Variants in COPS8 observed in about 807,000 individuals in gnomAD.
COPS8 encodes the protein COP9 signalosome complex subunit 8.
Under a neutral mutation model 31.5 loss-of-function variants are expected in COPS8, and 11 were observed. The observed-to-expected ratio is 0.35, with a 90% CI of 0.22 to 0.58. The LOEUF (loss-of-function observed/expected upper bound fraction) is 0.58, where lower values mean the gene tolerates loss of function less well. Among genes scored for constraint, COPS8 ranks in the 20% least tolerant of loss-of-function variants. COPS8 has a pLI of 0.83. For missense variants in COPS8, 215 were observed against 255.1 expected (o/e 0.84, Z 1.07); for synonymous variants, 81 against 89.3 (o/e 0.91, Z 0.52).
chr2:237,089,325 G>A (rs1696669032), intron 3 of COPS8, among the ~76,000 whole-genome samples: 1 of 151,726 alleles, frequency 6.6e-6, no homozygotes, highest in Non-Finnish European at 1.5e-5. Context: ...GTTCTGTTAA[G>A]TAAGATTGGA....
At position 237,099,625 on chromosome 2, in the gene COPS8, A is replaced by G. The variant is rs1559302094; in HGVS notation, c.*1883A>G. 4 of 152,284 alleles carry G rather than the reference A, an allele frequency of 2.6e-5. No individual in the cohort carries two copies. The highest frequency in any genetic ancestry group is 2.6e-4 in the Admixed American group (4 of 15,284). 9.4% of individuals were successfully genotyped at this position (152,284 alleles called of 1,614,324 possible). ...TTATATGCTTTATTTTTCTTTGTAA[A>G]CAGTAAATATTTCCCACTCCTGTCT... On this transcript the variant is annotated 3_prime_UTR_variant, in exon 8 of 8. Transcript: ENST00000354371.
intron 3 of COPS8, 57 bp from the exon 4 acceptor site, chr2:237,089,805 C>A: frequency 2.0e-6 from 3 of 1,525,798 alleles, no homozygotes; most frequent in East Asian, 2.3e-5. Context: ...TTTTAAGATA[C>A]AATCATTGGT....
intron 4 of COPS8, 78 bp downstream of exon 4, chr2:237,090,072 A>C (rs1039509288): frequency 6.9e-7 from 1 of 1,444,936 alleles, no homozygotes; most frequent in Admixed American, 1.9e-5. Flanking sequence ...GTAATAAATC[A>C]GTGGTGTGTG....
intron 4 of COPS8, among the ~76,000 whole-genome samples, chr2:237,091,194 A>G (rs1428863695): frequency 6.6e-6 from 1 of 152,094 alleles, no homozygotes; most frequent in Admixed American, 6.5e-5. Flanking sequence ...ACTGAATTCC[A>G]TGAGATTGAG....
rs1457111263 is a variant in COPS8 at position 237,086,151 on chromosome 2, C to T, written c.78+109C>T. On this transcript the variant is annotated intron_variant, in intron 1 of 7. Transcript: ENST00000354371. Reference sequence around the variant, plus strand: ...GAGGCTAGCGGGCTTTGGGAGCTCACGGGGCGGGCGTGGGAGGTGGACGTG... The same window carrying T: ...GAGGCTAGCGGGCTTTGGGAGCTCATGGGGCGGGCGTGGGAGGTGGACGTG... The T allele has an allele frequency of 2.4e-5, 25 of 1,057,896 alleles. No individual in the cohort carries two copies. The Admixed American group carries it at 2.8e-4, about 12-fold the overall frequency. 65.5% of individuals were successfully genotyped at this position (1,057,896 alleles called of 1,614,324 possible).
At position 237,094,354 on chromosome 2, in the gene COPS8, C is replaced by G. The variant is rs193299110; in HGVS notation, c.439+157C>G. The stretch of plus-strand genomic sequence containing the variant: ...ATATGAAACAGGTGTTGTGGAACAC[C>G]CAGCAGGCACCCTGCAGTCAAGCAT... On this transcript the variant is annotated intron_variant, in intron 5 of 7. Transcript: ENST00000354371. 3.5e-3 allele frequency among the ~76,000 whole-genome samples: 533 copies of G among 152,130 alleles called. 2 individuals are homozygous for G. The highest frequency in any genetic ancestry group is 0.012 in the African/African-American group (511 of 41,502).
At chr2:237,086,704 C>T in intron 1 of COPS8, 2 of 753,324 alleles carry the variant, frequency 2.7e-6, no homozygotes, top group Non-Finnish European at 1.6e-6. Flanking sequence ...TGCAACGCAG[C>T]TGTGGTGATT....
Position 237,094,093 on chromosome 2 carries a change from C to A in COPS8, c.335C>A (p.Ala112Glu). The change falls in exon 5 of 8, where the codon GCA becomes GAA. Residue 112 changes from alanine to glutamate, a missense_variant. Ala to Glu is a moderately radical substitution (Grantham distance 107). Transcript: ENST00000354371. ...CAACCCACCACTCCCACAATAGATG[C>A]AACAAGGAGACGCGCCTTTGCCCTG... Reference protein sequence around the residue: ...VQPIMEALRDATRRRAFALVS... With the variant: ...VQPIMEALRDETRRRAFALVS... 3.1e-6 allele frequency: 5 copies of A among 1,612,978 alleles called. No homozygotes were observed. Among genetic ancestry groups the A allele is most frequent in the South Asian group, 2.2e-5 (2 of 90,854 alleles).
At position 237,087,119 on chromosome 2, in the gene COPS8, C is replaced by A. The variant is rs762707576; in HGVS notation, c.79-8C>A. 1.9e-6 allele frequency: 3 copies of A among 1,559,364 alleles called. No homozygotes were observed. Among genetic ancestry groups the A allele is most frequent in the Non-Finnish European group, 2.6e-6 (3 of 1,152,776 alleles). ...TGTTTTGTTTTGTTTTCATTTTTGGCCTTCTAGGCCCCTGGAGGAATTGCT... is the reference window on the plus strand; with the variant it reads ...TGTTTTGTTTTGTTTTCATTTTTGGACTTCTAGGCCCCTGGAGGAATTGCT... On this transcript the variant is annotated splice_region_variant and splice_polypyrimidine_tract_variant and intron_variant, in intron 1 of 7. Transcript: ENST00000354371.
chr2:237,086,002 T>G lies in COPS8; in HGVS notation c.38T>G (p.Phe13Cys). The change falls in exon 1 of 8, where the codon TTC becomes TGC. Residue 13 changes from phenylalanine to cysteine, a missense_variant. By Grantham distance (205) the Phe-to-Cys change is radical. Coordinates refer to ENST00000354371, the MANE Select transcript of COPS8 (RefSeq NM_006710.5). ...GTGATGGCGGAAAGCGCCTTTAGTT[T>G]CAAAAAGTTGCTGGATCAGTGCGAG... ...VAVMAESAFSFKKLLDQCENQ... is the reference protein window; with the variant it reads ...VAVMAESAFSCKKLLDQCENQ... The G allele has an allele frequency of 6.2e-7, 1 of 1,613,706 alleles. No homozygotes were observed. Among genetic ancestry groups the G allele is most frequent in the Non-Finnish European group, 8.5e-7 (1 of 1,179,752 alleles).
At chr2:237,093,654 A>T in intron 4 of COPS8, 1 of 981,366 alleles carries the variant, frequency 1.0e-6, no homozygotes, top group Non-Finnish European at 1.2e-6. Flanking sequence ...TTTGTTCTGT[A>T]ACTCCCAGGT....
chr2:237,098,009 CATAAA>C lies in COPS8; in HGVS notation c.*272_*276del, dbSNP rs773114489. 35 of 301,558 alleles carry C rather than the reference CATAAA, an allele frequency of 1.2e-4. No homozygotes were observed. In the Admixed American group the frequency reaches 1.3e-3, roughly 12 times the overall value. 18.7% of individuals were successfully genotyped at this position (301,558 alleles called of 1,614,324 possible). On this transcript the variant is annotated 3_prime_UTR_variant, in exon 8 of 8. Coordinates refer to ENST00000354371, the MANE Select transcript of COPS8 (RefSeq NM_006710.5). ...TATTACAGTTAGTTTTCTAGTGACT[CATAAA>C]ATAAGATTTCCTGTTTCATGTAGAA...
At chr2:237,093,035 A>G (rs1696734497) in intron 4 of COPS8, among the ~76,000 whole-genome samples, 1 of 152,198 alleles carries the variant, frequency 6.6e-6, no homozygotes, top group Non-Finnish European at 1.5e-5. Flanking sequence ...TTGTTAAAGT[A>G]GAAGTGTAAA....
In COPS8 at chr2:237,094,102, G is replaced by T; in HGVS notation, c.344G>T (p.Arg115Ile). The stretch of plus-strand genomic sequence containing the variant: ...ACTCCCACAATAGATGCAACAAGGA[G>T]ACGCGCCTTTGCCCTGGTCTCTCAA... Reference protein sequence around the residue: ...IMEALRDATRRRAFALVSQAY... With the variant: ...IMEALRDATRIRAFALVSQAY... Residue 115 changes from arginine (R) to isoleucine (I), a missense_variant, in exon 5 of 8, where the codon AGA becomes ATA. Arg to Ile is a moderately conservative substitution (Grantham distance 97). Coordinates refer to ENST00000354371, the MANE Select transcript of COPS8 (RefSeq NM_006710.5). The T allele has an allele frequency of 6.2e-7, 1 of 1,613,496 alleles. No homozygotes were observed. Among genetic ancestry groups the T allele is most frequent in the East Asian group, 2.2e-5 (1 of 44,840 alleles).
intron 6 of COPS8, among the ~76,000 whole-genome samples, chr2:237,096,276 T>C (rs547542361): frequency 6.6e-6 from 1 of 152,320 alleles, no homozygotes; most frequent in African/African-American, 2.4e-5. Flanking sequence ...ACAGGCACTT[T>C]TCCTGTGGCT....
chr2:237,087,512 CAAAAG>C, intron 2 of COPS8: 1 of 346,404 alleles, frequency 2.9e-6, no homozygotes, highest in Non-Finnish European at 5.8e-6. Context: ...ATCAATAAAA[CAAAAG>C]AAGTGAAAAG....
At position 237,098,856 on chromosome 2, in the gene COPS8, G is replaced by A. The variant is rs1294051685; in HGVS notation, c.*1114G>A. 6.6e-6 allele frequency: 1 copy of A among 152,124 alleles called. No homozygotes were observed. Among genetic ancestry groups the A allele is most frequent in the African/African-American group, 2.4e-5 (1 of 41,422 alleles). The allele number at this position is 152,124 out of a possible 1,614,324, so 9.4% of individuals were successfully genotyped here. A position where few individuals can be genotyped will look rare whatever the true frequency, so the allele number is the denominator to read the frequency against. ...ATTTATTTATTTTGAATGCATTTTA[G>A]TGGCTATTTCAGTTTTTCTTAACAT... On this transcript the variant is annotated 3_prime_UTR_variant, in exon 8 of 8. Coordinates refer to ENST00000354371, the MANE Select transcript of COPS8 (RefSeq NM_006710.5).
intron 4 of COPS8, among the ~76,000 whole-genome samples, chr2:237,091,939 G>T (rs190069234): frequency 6.6e-6 from 1 of 152,182 alleles, no homozygotes; most frequent in African/African-American, 2.4e-5. Context: ...GAGAGCTCAG[G>T]TGCAACAGGC....
chr2:237,093,566 A>G, intron 4 of COPS8: 2 of 442,014 alleles, frequency 4.5e-6, no homozygotes, highest in Non-Finnish European at 6.0e-6. Context: ...CATTCTTTCA[A>G]GGTGGGAATT....
Sources: allele counts gnomAD v4.1 joint callset (sites outside exome capture counted in the v4.1 genomes callset), GRCh38; gene constraint gnomAD v4.1.1; transcripts MANE v1.5; gene names NCBI Gene and HGNC (gene_info 2026-07-23, HGNC 2026-07-21).